FRMPD1: variants seen among roughly 807,000 people sequenced by gnomAD.
FRMPD1 encodes the protein FERM and PDZ domain-containing protein 1.
FRMPD1 carries 76 observed loss-of-function variants against 117.8 expected under a neutral mutation model. That is an observed-to-expected ratio of 0.65 (90% CI 0.54 to 0.78). The LOEUF is 0.78. FRMPD1 is among the 30% of genes least tolerant of loss of function. The pLI is 0.00. For missense variants in FRMPD1, 1,786 were observed against 1,964.5 expected (o/e 0.91, Z 1.72); for synonymous variants, 783 against 770.4 (o/e 1.02, Z -0.27).
chr9:37,641,285 G>A, the FRMPD1 span, among the ~76,000 whole-genome samples: 22,536 of 152,188 alleles, frequency 0.15, 1,775 homozygotes, highest in African/African-American at 0.2. Context: ...AACTCCACCA[G>A]TTTCAAAAGA....
At chr9:37,711,976 A>G (rs1436074414) in intron 5 of FRMPD1, among the ~76,000 whole-genome samples, 1 of 152,194 alleles carries the variant, frequency 6.6e-6, no homozygotes, top group Non-Finnish European at 1.5e-5. Flanking sequence ...AAAAACTACT[A>G]AGGAGATAGT....
chr9:37,673,055 CAA>C (rs1186315734), intron 1 of FRMPD1, among the ~76,000 whole-genome samples: 3 of 152,134 alleles, frequency 2.0e-5, no homozygotes, highest in Non-Finnish European at 4.4e-5. Context: ...AATAGTTCCC[CAA>C]AGTCTTAATT....
At chr9:37,676,916 G>A (rs1821549980) in intron 1 of FRMPD1, among the ~76,000 whole-genome samples, 1 of 152,136 alleles carries the variant, frequency 6.6e-6, no homozygotes. Context: ...ATAACACGAT[G>A]AACACCCAAA....
chr9:37,712,278 G>A (rs1213407833), intron 5 of FRMPD1, among the ~76,000 whole-genome samples: 1 of 152,128 alleles, frequency 6.6e-6, no homozygotes, highest in Non-Finnish European at 1.5e-5. Context: ...AATTTCCTAA[G>A]TAAAGATTGA....
At chr9:37,707,699 C>T (rs967289983) in intron 3 of FRMPD1, 126 bp downstream of exon 3, 12 of 788,308 alleles carry the variant, frequency 1.5e-5, no homozygotes, top group Non-Finnish European at 2.5e-5. Flanking sequence ...AGAAAAGGCA[C>T]ACCTAATTCT....
chr9:37,626,226 G>T, the FRMPD1 span, among the ~76,000 whole-genome samples: 3 of 152,210 alleles, frequency 2.0e-5, no homozygotes, highest in African/African-American at 7.2e-5. Flanking sequence ...TACTTGGGAG[G>T]CTGAGGCAGG....
the FRMPD1 span, chr9:37,637,240 G>A: frequency 2.0e-5 from 32 of 1,609,348 alleles, no homozygotes; most frequent in African/African-American, 2.7e-5. Flanking sequence ...ACTTGCCCAC[G>A]CCTGAGTCGC....
At chr9:37,722,761 C>CT (rs67488630) in intron 6 of FRMPD1, among the ~76,000 whole-genome samples, 6 of 150,172 alleles carry the variant, frequency 4.0e-5, no homozygotes, top group Admixed American at 2.0e-4. Flanking sequence ...AGAATCACTT[C>CT]TTTTTTTTTT....
chr9:37,691,908 AAAAAG>A (rs556207979), intron 1 of FRMPD1, among the ~76,000 whole-genome samples: 53 of 152,266 alleles, frequency 3.5e-4, no homozygotes, highest in East Asian at 3.1e-3. Context: ...CTCCATCTCA[AAAAAG>A]AAAAGAAAAG....
the FRMPD1 span, among the ~76,000 whole-genome samples, chr9:37,645,116 A>T: frequency 6.9e-6 from 1 of 144,130 alleles, no homozygotes; most frequent in Non-Finnish European, 1.5e-5. Flanking sequence ...AAAAAAAAAG[A>T]GAGAGAGAGA....
intron 1 of FRMPD1, among the ~76,000 whole-genome samples, chr9:37,690,197 C>T (rs573420640): frequency 2.6e-4 from 39 of 152,026 alleles, no homozygotes; most frequent in African/African-American, 9.1e-4. Flanking sequence ...CTGTCTTTGG[C>T]TTTGGTTACT....
chr9:37,698,549 CTTTTTTTTTTTTTTT>C lies in FRMPD1; in HGVS notation c.101+5823_101+5837del, dbSNP rs531498194. On this transcript the variant is annotated intron_variant, in intron 2 of 15. Coordinates refer to ENST00000377765, the MANE Select transcript of FRMPD1 (RefSeq NM_014907.3). ...ACAATAGTATTATGCATCTCATTAT[CTTTTTTTTTTTTTTT>C]TTTTTTTTTTTTTTTGAGATATAGT... Among the ~76,000 whole-genome samples the C allele has an allele frequency of 3.9e-4, 29 of 74,602 alleles. No homozygotes were observed. In the South Asian group the frequency reaches 0.015, roughly 40 times the overall value. 48.9% of individuals were successfully genotyped at this position (74,602 alleles called of 152,430 possible).
chr9:37,674,209 C>A (rs978424045), intron 1 of FRMPD1, among the ~76,000 whole-genome samples: 1 of 152,168 alleles, frequency 6.6e-6, no homozygotes, highest in African/African-American at 2.4e-5. Flanking sequence ...TGCCAGATAA[C>A]CTAGATCATC....
intron 7 of FRMPD1, among the ~76,000 whole-genome samples, chr9:37,724,972 G>A (rs970301730): frequency 2.6e-4 from 39 of 152,178 alleles, no homozygotes; most frequent in Admixed American, 6.5e-4. Flanking sequence ...CTGGACCTGC[G>A]CTGAGCTTTG....
intron 1 of FRMPD1, among the ~76,000 whole-genome samples, chr9:37,674,476 C>T (rs1206572940): frequency 1.3e-5 from 2 of 152,224 alleles, no homozygotes; most frequent in Non-Finnish European, 2.9e-5. Context: ...ACTGTTTCAA[C>T]CTCTGCCTGT....
chr9:37,628,580 G>A, the FRMPD1 span, among the ~76,000 whole-genome samples: 1 of 152,208 alleles, frequency 6.6e-6, no homozygotes. Flanking sequence ...TGGATTATTA[G>A]CAACTGTATT....
At position 37,708,419 on chromosome 9, in the gene FRMPD1, C is replaced by G. The variant is rs150983906; in HGVS notation, c.280C>G (p.Leu94Val). 2 of 1,611,894 alleles carry G rather than the reference C, an allele frequency of 1.2e-6. No individual in the cohort carries two copies. The highest frequency in any genetic ancestry group is 1.7e-6 in the Non-Finnish European group (2 of 1,178,072). Residue 94 changes from leucine (L) to valine (V), a missense_variant, in exon 4 of 16, where the codon CTT becomes GTT. Coordinates refer to ENST00000377765, the MANE Select transcript of FRMPD1 (RefSeq NM_014907.3). Reference protein sequence around the residue: ...VTAGGSAHGKLFPGDQILQMN... With the variant: ...VTAGGSAHGKVFPGDQILQMN... ...AACAGGAGGCTCTGCTCACGGCAAG[C>G]TTTTCCCTGGTGATCAGATCCTCCA...
At chr9:37,694,321 T>C (rs1246222137) in intron 2 of FRMPD1, among the ~76,000 whole-genome samples, 1 of 152,242 alleles carries the variant, frequency 6.6e-6, no homozygotes, top group Non-Finnish European at 1.5e-5. Context: ...TTAAAGGCTC[T>C]GAGAAGTCTC....
At chr9:37,621,720 G>C in the FRMPD1 span, among the ~76,000 whole-genome samples, 1 of 152,328 alleles carries the variant, frequency 6.6e-6, no homozygotes, top group South Asian at 2.1e-4. Flanking sequence ...ATGCTTCAGG[G>C]AGCAGATATG....
Sources: allele counts gnomAD v4.1 joint callset (sites outside exome capture counted in the v4.1 genomes callset), GRCh38; gene constraint gnomAD v4.1.1; transcripts MANE v1.5; gene names NCBI Gene and HGNC (gene_info 2026-07-23, HGNC 2026-07-21).